The following ZNRF1 variants were observed in gnomAD, a reference collection of about 807,000 sequenced individuals.
ZNRF1 encodes E3 ubiquitin-protein ligase ZNRF1.
In ZNRF1, 3 loss-of-function variants were observed where a neutral mutation model predicts 18.4. The ratio of observed to expected loss-of-function variants is 0.16; its 90% CI spans 0.07 to 0.42. The LOEUF (loss-of-function observed/expected upper bound fraction) is 0.42. ZNRF1 is among the 10% of genes least tolerant of loss of function. The probability of loss-of-function intolerance (pLI) is 0.99; values close to 1 mark genes in which losing one functional copy is unlikely to be tolerated. For missense variants in ZNRF1, 310 were observed against 329.8 expected, an observed-to-expected ratio of 0.94 and a Z score of 0.47; for synonymous variants, 157 against 144.2, an observed-to-expected ratio of 1.09 and a Z score of -0.64.
At chr16:75,045,977 A>G (rs1597877751) in intron 1 of ZNRF1, among the ~76,000 whole-genome samples, 1 of 151,980 alleles carries the variant, frequency 6.6e-6, no homozygotes, top group East Asian at 1.9e-4. Context: ...ATCTCAGCTC[A>G]TTGCAATCTC....
At chr16:75,103,503 G>C (rs1043528175) in intron 2 of ZNRF1, among the ~76,000 whole-genome samples, 3 of 152,084 alleles carry the variant, frequency 2.0e-5, no homozygotes, top group Admixed American at 2.0e-4. Flanking sequence ...GGTGGCCAGG[G>C]GCTGGGCGGG....
chr16:75,051,718 G>A (rs1190305671), intron 1 of ZNRF1, among the ~76,000 whole-genome samples: 5 of 151,982 alleles, frequency 3.3e-5, no homozygotes, highest in African/African-American at 7.3e-5. Flanking sequence ...GGGTTTCACC[G>A]TGTTGGTCAG....
At chr16:75,061,382 C>T (rs935717639) in intron 1 of ZNRF1, among the ~76,000 whole-genome samples, 1 of 152,142 alleles carries the variant, frequency 6.6e-6, no homozygotes, top group African/African-American at 2.4e-5. Flanking sequence ...TTTTAGATCC[C>T]ACCAATAAGT....
intron 1 of ZNRF1, among the ~76,000 whole-genome samples, chr16:75,026,016 T>C (rs1198095420): frequency 2.0e-5 from 3 of 152,156 alleles, no homozygotes; most frequent in African/African-American, 4.8e-5. Flanking sequence ...GTGAGGCCTA[T>C]ACATCTGTCT....
chr16:75,088,221 G>T (rs1022093724), intron 1 of ZNRF1, among the ~76,000 whole-genome samples: 33 of 152,276 alleles, frequency 2.2e-4, no homozygotes, highest in African/African-American at 7.9e-4. Context: ...AAAGATTTGG[G>T]CAATAGACTG....
Position 75,110,235 on chromosome 16 carries a change from GGA to G in ZNRF1, c.*2536_*2537del, listed in dbSNP as rs1270417375. 3 of 152,368 alleles carry G rather than the reference GGA, an allele frequency of 2.0e-5. No homozygotes were observed. The highest frequency in any genetic ancestry group is 7.2e-5 in the African/African-American group (3 of 41,456). The allele number at this position is 152,368 out of a possible 1,614,324, so 9.4% of individuals were successfully genotyped here. On this transcript the variant is annotated 3_prime_UTR_variant, in exon 5 of 5. Transcript: ENST00000335325. ...GTTGCCTGCTCTTGTTGTGGGGGTG[GGA>G]TTGGGGCTGTCTGTGTTTCCCAGGT...
chr16:75,063,765 C>G (rs1327446446), intron 1 of ZNRF1, among the ~76,000 whole-genome samples: 5 of 152,078 alleles, frequency 3.3e-5, no homozygotes, highest in Admixed American at 2.6e-4. Context: ...GTGGAAGACT[C>G]AATCAGAGAA....
At position 75,052,303 on chromosome 16, in the gene ZNRF1, AG is replaced by A. The variant is rs796623437; in HGVS notation, c.425-41267del. On this transcript the variant is annotated intron_variant, in intron 1 of 4. Transcript: ENST00000335325. ...GTAGTCTCAGCTGCTTGGGAGGCTG[AG>A]GTGGGAAAATTGCTTGAGCCCAGGA... is the stretch of plus-strand genomic sequence containing the variant. Among the ~76,000 whole-genome samples, 29 of 151,634 alleles carry A rather than the reference AG, an allele frequency of 1.9e-4. No homozygotes were observed. The East Asian group carries it at 2.7e-3, about 14-fold the overall frequency.
chr16:75,106,562 C>T lies in ZNRF1; in HGVS notation c.*23C>T, dbSNP rs1321003257. ...TGACCTGCGGGCTTGCTTGCTGACTCCTCTCAAAGGTGAGCCCGCGTTTGG... is the reference window on the plus strand; with the variant it reads ...TGACCTGCGGGCTTGCTTGCTGACTTCTCTCAAAGGTGAGCCCGCGTTTGG... On this transcript the variant is annotated 3_prime_UTR_variant, in exon 4 of 5. Transcript: ENST00000335325. The T allele has an allele frequency of 6.2e-7, 1 of 1,613,912 alleles. No individual in the cohort carries two copies. Among genetic ancestry groups the T allele is most frequent in the Non-Finnish European group, 8.5e-7 (1 of 1,179,990 alleles).
At chr16:75,014,529 A>T (rs923052021) in intron 1 of ZNRF1, among the ~76,000 whole-genome samples, 4 of 152,086 alleles carry the variant, frequency 2.6e-5, no homozygotes, top group Admixed American at 6.5e-5. Flanking sequence ...CTATTTATTG[A>T]TCTATTGATC....
chr16:75,068,687 G>C (rs917603913), intron 1 of ZNRF1, among the ~76,000 whole-genome samples: 1 of 151,630 alleles, frequency 6.6e-6, no homozygotes, highest in African/African-American at 2.4e-5. Context: ...GCAGGGCTGG[G>C]GCTGGCCCTG....
intron 1 of ZNRF1, among the ~76,000 whole-genome samples, chr16:75,089,221 A>G (rs930351309): frequency 1.3e-5 from 2 of 151,684 alleles, no homozygotes; most frequent in East Asian, 3.9e-4. Flanking sequence ...TCCTGCCTCA[A>G]CCTCCCACGT....
chr16:75,084,144 T>A (rs2036047703), intron 1 of ZNRF1, among the ~76,000 whole-genome samples: 1 of 152,296 alleles, frequency 6.6e-6, no homozygotes, highest in East Asian at 1.9e-4. Flanking sequence ...TAAAGTCCGC[T>A]TGGGTGTGTG....
chr16:75,108,380 G>A lies in ZNRF1; in HGVS notation c.*680G>A. On this transcript the variant is annotated 3_prime_UTR_variant, in exon 5 of 5. Coordinates refer to ENST00000335325, the MANE Select transcript of ZNRF1 (RefSeq NM_032268.5). ...TTTCCTCCTGGTTCCGGTCAGTTCA[G>A]AGGATTTAACAATCACAAGTGTCCT... The A allele has an allele frequency of 2.6e-6, 1 of 390,110 alleles. No individual in the cohort carries two copies. Among genetic ancestry groups the A allele is most frequent in the Non-Finnish European group, 4.5e-6 (1 of 221,892 alleles). 24.2% of individuals were successfully genotyped at this position (390,110 alleles called of 1,614,324 possible).
Position 75,109,625 on chromosome 16 carries a change from TTG to T in ZNRF1, c.*1928_*1929del, listed in dbSNP as rs2036358594. On this transcript the variant is annotated 3_prime_UTR_variant, in exon 5 of 5. Transcript: ENST00000335325. ...GTCTGGGGTGAAGACCTTGGGGCTG[TTG>T]TGAGTCGGTGGCAGGAACGTGGGCT... 1 of 152,562 alleles carries T rather than the reference TTG, an allele frequency of 6.6e-6. No individual in the cohort carries two copies. The highest frequency in any genetic ancestry group is 6.5e-5 in the Admixed American group (1 of 15,278). 9.5% of individuals were successfully genotyped at this position (152,562 alleles called of 1,614,324 possible).
chr16:75,001,956 C>T (rs1434488971), intron 1 of ZNRF1, among the ~76,000 whole-genome samples: 3 of 152,018 alleles, frequency 2.0e-5, no homozygotes, highest in African/African-American at 7.3e-5. Context: ...GCATATTAAT[C>T]CTTTAGGGAA....
chr16:75,065,927 G>A (rs1003839014), intron 1 of ZNRF1, among the ~76,000 whole-genome samples: 1 of 152,184 alleles, frequency 6.6e-6, no homozygotes, highest in African/African-American at 2.4e-5. Flanking sequence ...TCCTCTCTCA[G>A]GTGACTTTTT....
At chr16:75,051,747 A>G (rs973853878) in intron 1 of ZNRF1, among the ~76,000 whole-genome samples, 6 of 151,404 alleles carry the variant, frequency 4.0e-5, no homozygotes, top group African/African-American at 1.5e-4. Context: ...CGAACTCCTG[A>G]CCTCATGATC....
At chr16:75,008,465 C>A (rs959875946) in intron 1 of ZNRF1, among the ~76,000 whole-genome samples, 1 of 152,124 alleles carries the variant, frequency 6.6e-6, no homozygotes, top group Non-Finnish European at 1.5e-5. Flanking sequence ...CTGAGTTACC[C>A]TCTTTCCTAC....
Sources: allele counts gnomAD v4.1 joint callset (sites outside exome capture counted in the v4.1 genomes callset), GRCh38; gene constraint gnomAD v4.1.1; transcripts MANE v1.5; gene names NCBI Gene and HGNC (gene_info 2026-07-23, HGNC 2026-07-21).